XKR9: variants seen among roughly 807,000 people sequenced by gnomAD.
The protein encoded by XKR9 is XK-related protein 9.
In XKR9, 32 loss-of-function variants were observed where a neutral mutation model predicts 32.0. That is an observed-to-expected ratio of 1.00 (90% CI 0.76 to 1.34). XKR9 has a LOEUF of 1.34. Ranked by LOEUF, XKR9 falls within the 40% of genes most tolerant of loss-of-function variation. The probability of loss-of-function intolerance (pLI) is 0.00; values close to 1 mark genes in which losing one functional copy is unlikely to be tolerated. For missense variants in XKR9, 546 were observed against 429.7 expected (o/e 1.27, Z -2.39); for synonymous variants, 168 against 143.4 (o/e 1.17, Z -1.22).
the XKR9 span, among the ~76,000 whole-genome samples, chr8:70,966,344 G>A: frequency 6.6e-6 from 1 of 152,076 alleles, no homozygotes; most frequent in Non-Finnish European, 1.5e-5. Flanking sequence ...TGCGTCCTGG[G>A]TTCAAGTGAT....
At chr8:71,018,562 A>G in the XKR9 span, among the ~76,000 whole-genome samples, 4 of 152,186 alleles carry the variant, frequency 2.6e-5, no homozygotes, top group African/African-American at 9.7e-5. Context: ...GTAGTAGAAA[A>G]TGAGTTTCTT....
intron 2 of XKR9, among the ~76,000 whole-genome samples, chr8:70,787,576 A>G (rs990180474): frequency 6.6e-6 from 1 of 152,140 alleles, no homozygotes; most frequent in Non-Finnish European, 1.5e-5. Context: ...AATGAGAAGC[A>G]AGAAGATAAA....
chr8:70,825,391 A>C, the XKR9 span, among the ~76,000 whole-genome samples: 5 of 152,006 alleles, frequency 3.3e-5, no homozygotes, highest in African/African-American at 1.2e-4. Flanking sequence ...GTCTTCCTTC[A>C]TAGTTTTCTT....
the XKR9 span, among the ~76,000 whole-genome samples, chr8:70,910,675 C>A: frequency 6.6e-6 from 1 of 152,154 alleles, no homozygotes; most frequent in Non-Finnish European, 1.5e-5. Context: ...CAGCTTAAAA[C>A]AATGTAAGTT....
At chr8:70,876,745 TC>T in the XKR9 span, among the ~76,000 whole-genome samples, 1 of 152,188 alleles carries the variant, frequency 6.6e-6, no homozygotes, top group African/African-American at 2.4e-5. Flanking sequence ...ACCCTGAGTT[TC>T]TGAGTCTGAA....
chr8:70,993,254 T>C, the XKR9 span, among the ~76,000 whole-genome samples: 1 of 152,208 alleles, frequency 6.6e-6, no homozygotes, highest in East Asian at 1.9e-4. Context: ...AATCAAACAC[T>C]TTTTAATGAG....
At chr8:70,980,560 T>C in the XKR9 span, among the ~76,000 whole-genome samples, 1 of 152,248 alleles carries the variant, frequency 6.6e-6, no homozygotes, top group Non-Finnish European at 1.5e-5. Context: ...AGAAACTTGG[T>C]TGGTGAATTC....
the XKR9 span, among the ~76,000 whole-genome samples, chr8:70,813,377 A>C: frequency 6.6e-6 from 1 of 152,250 alleles, no homozygotes; most frequent in Non-Finnish European, 1.5e-5. Context: ...GGACATAGGC[A>C]TGCGCAAGGT....
At chr8:71,038,087 G>A in the XKR9 span, among the ~76,000 whole-genome samples, 2 of 151,966 alleles carry the variant, frequency 1.3e-5, no homozygotes, top group South Asian at 4.2e-4. Flanking sequence ...ATTTTTAAAG[G>A]GTTTTTTTTA....
the XKR9 span, among the ~76,000 whole-genome samples, chr8:71,057,918 C>T: frequency 1.3e-5 from 2 of 152,168 alleles, no homozygotes; most frequent in Non-Finnish European, 2.9e-5. Context: ...TGCGCGGTGG[C>T]TTATGCCCGT....
the XKR9 span, among the ~76,000 whole-genome samples, chr8:70,912,251 T>A: frequency 6.6e-6 from 1 of 152,110 alleles, no homozygotes; most frequent in African/African-American, 2.4e-5. Flanking sequence ...GAAAACATTT[T>A]GTGACATGAT....
At chr8:70,977,206 A>AT in the XKR9 span, among the ~76,000 whole-genome samples, 3 of 151,838 alleles carry the variant, frequency 2.0e-5, no homozygotes, top group East Asian at 1.9e-4. Context: ...AGATTCATTG[A>AT]TTTTTTGAAG....
chr8:71,063,640 A>C, the XKR9 span, among the ~76,000 whole-genome samples: 1 of 152,282 alleles, frequency 6.6e-6, no homozygotes, highest in South Asian at 2.1e-4. Flanking sequence ...CTTTTGAAAA[A>C]TATTTCAAAC....
the XKR9 span, among the ~76,000 whole-genome samples, chr8:70,832,432 G>A: frequency 6.6e-6 from 1 of 152,124 alleles, no homozygotes; most frequent in Non-Finnish European, 1.5e-5. Flanking sequence ...AATATGAAAG[G>A]AGCTGAATTT....
chr8:70,914,128 G>C, the XKR9 span, among the ~76,000 whole-genome samples: 2 of 152,140 alleles, frequency 1.3e-5, no homozygotes, highest in African/African-American at 4.8e-5. Flanking sequence ...GCAGTGGCAT[G>C]ATCATAGCTC....
At chr8:70,843,099 T>C in the XKR9 span, among the ~76,000 whole-genome samples, 11 of 152,330 alleles carry the variant, frequency 7.2e-5, no homozygotes, top group Middle Eastern at 0.01. Context: ...AAATCTACCT[T>C]AAAAATTAGT....
chr8:70,785,718 GCTCT>G (rs60417775), intron 2 of XKR9, among the ~76,000 whole-genome samples: 1,832 of 137,400 alleles, frequency 0.013, 30 homozygotes, highest in African/African-American at 0.041. Context: ...ACTTTTTTTT[GCTCT>G]CTCTCTCTCT....
intron 2 of XKR9, among the ~76,000 whole-genome samples, chr8:70,753,527 G>A (rs1807172954): frequency 1.3e-5 from 2 of 152,140 alleles, no homozygotes; most frequent in Admixed American, 1.3e-4. Flanking sequence ...TAAAATACTG[G>A]CAAACCGAAT....
chr8:70,873,899 A>G, the XKR9 span, among the ~76,000 whole-genome samples: 4 of 152,174 alleles, frequency 2.6e-5, no homozygotes, highest in African/African-American at 4.8e-5. Flanking sequence ...AATGTGGCCA[A>G]CTTCATTGTT....
Sources: gnomAD v4.1 joint callset for allele counts (sites outside exome capture counted in the v4.1 genomes callset) on GRCh38, gnomAD v4.1.1 for gene constraint, MANE v1.5 for transcripts, NCBI Gene and HGNC (gene_info 2026-07-23, HGNC 2026-07-21) for gene names.